The following SEMA3A variants were observed in gnomAD, a reference collection of about 807,000 sequenced individuals.
SEMA3A encodes semaphorin-3A.
A neutral mutation model predicts 97.9 loss-of-function variants in SEMA3A; 29 were observed. The observed-to-expected ratio is 0.30, with a 90% CI of 0.22 to 0.40. The LOEUF is 0.40. Among genes scored for constraint, SEMA3A ranks in the 10% least tolerant of loss-of-function variants. The pLI, the probability that SEMA3A is intolerant of heterozygous loss-of-function variation, is 1.00. For missense variants in SEMA3A, 763 were observed against 951.3 expected (o/e 0.80, Z 2.60); for synonymous variants, 321 against 323.7 (o/e 0.99, Z 0.09).
chr7:84,178,531 C>A (rs1363952427), intron 1 of SEMA3A, among the ~76,000 whole-genome samples: 1 of 152,066 alleles, frequency 6.6e-6, no homozygotes, highest in Non-Finnish European at 1.5e-5. Flanking sequence ...CAAGGTCACA[C>A]AGAAAATTAG....
rs1443746135 is a variant in SEMA3A, at chr7:84,269,352, A to G, written c.-83+37855T>C. ...TTTGAAGTAGCTTATTCTTAGACACACTACCCATGTCAGTAATCTTTATGA... is the reference window on the plus strand; with the variant it reads ...TTTGAAGTAGCTTATTCTTAGACACGCTACCCATGTCAGTAATCTTTATGA... On this transcript the variant is annotated intron_variant, in intron 3 of 3. Transcript: ENST00000424555. 3.9e-5 allele frequency among the ~76,000 whole-genome samples: 6 copies of G among 152,272 alleles called. No homozygotes were observed. The East Asian group carries it at 1.2e-3, about 29-fold the overall frequency.
chr7:84,211,292 G>A (rs1798618338), intron 3 of SEMA3A, among the ~76,000 whole-genome samples: 1 of 152,052 alleles, frequency 6.6e-6, no homozygotes, highest in South Asian at 2.1e-4. Flanking sequence ...GTTGCGTAAA[G>A]AGGAGGATAA....
At chr7:84,062,455 C>A (rs1793263799) in intron 4 of SEMA3A, among the ~76,000 whole-genome samples, 2 of 152,182 alleles carry the variant, frequency 1.3e-5, no homozygotes, top group Non-Finnish European at 2.9e-5. Flanking sequence ...GTCTACGGCT[C>A]CCAGAGTGAG....
intron 1 of SEMA3A, among the ~76,000 whole-genome samples, chr7:84,144,953 A>G (rs1796420356): frequency 6.6e-6 from 1 of 152,132 alleles, no homozygotes; most frequent in Non-Finnish European, 1.5e-5. Flanking sequence ...TCCTTCACCA[A>G]TAGAGTGTGC....
intron 1 of SEMA3A, among the ~76,000 whole-genome samples, chr7:84,143,317 A>G (rs1337638768): frequency 6.6e-6 from 1 of 152,216 alleles, no homozygotes. Flanking sequence ...TATACATATT[A>G]AATGAAGAAG....
chr7:83,977,538 C>T (rs563345838), intron 14 of SEMA3A, among the ~76,000 whole-genome samples: 71 of 151,892 alleles, frequency 4.7e-4, no homozygotes, highest in Middle Eastern at 3.4e-3. Context: ...GGCCTAACTT[C>T]TGTGGAAAAA....
intron 15 of SEMA3A, among the ~76,000 whole-genome samples, chr7:83,968,945 G>T (rs1788821537): frequency 6.6e-6 from 1 of 150,964 alleles, no homozygotes; most frequent in Non-Finnish European, 1.5e-5. Context: ...AGAGTAGCTG[G>T]GATTACAGGT....
intron 12 of SEMA3A, among the ~76,000 whole-genome samples, chr7:83,989,811 A>C (rs1377116477): frequency 6.7e-6 from 1 of 149,990 alleles, no homozygotes; most frequent in Non-Finnish European, 1.5e-5. Flanking sequence ...AGCATGATTT[A>C]TAGTCCTTTG....
At chr7:84,292,560 G>A (rs1280798810) in intron 3 of SEMA3A, among the ~76,000 whole-genome samples, 1 of 151,866 alleles carries the variant, frequency 6.6e-6, no homozygotes, top group Non-Finnish European at 1.5e-5. Context: ...GAAAATAGAA[G>A]CAATCCTCCA....
intron 6 of SEMA3A, among the ~76,000 whole-genome samples, chr7:84,026,745 G>C (rs1015646474): frequency 6.6e-6 from 1 of 152,082 alleles, no homozygotes; most frequent in Non-Finnish European, 1.5e-5. Context: ...ACTAACACAG[G>C]AACAGAAAAC....
At chr7:83,984,233 T>G (rs1288838051) in intron 13 of SEMA3A, among the ~76,000 whole-genome samples, 1 of 152,092 alleles carries the variant, frequency 6.6e-6, no homozygotes, top group Non-Finnish European at 1.5e-5. Flanking sequence ...AATATCCCAG[T>G]CTAGCTTCCA....
intron 1 of SEMA3A, among the ~76,000 whole-genome samples, chr7:84,445,516 A>AAAAAGAAAAG (rs1554388668): frequency 1.6e-5 from 2 of 123,754 alleles, no homozygotes; most frequent in African/African-American, 7.3e-5. Flanking sequence ...AAAAAAAAAA[A>AAAAAGAAAAG]AAAAGAAAAG....
At chr7:84,261,809 C>A (rs1460001672) in intron 3 of SEMA3A, among the ~76,000 whole-genome samples, 1 of 152,246 alleles carries the variant, frequency 6.6e-6, no homozygotes, top group Admixed American at 6.5e-5. Context: ...GTGGAACAAG[C>A]CCAGTGGGCC....
chr7:84,178,744 A>T (rs1797649306), intron 1 of SEMA3A, among the ~76,000 whole-genome samples: 1 of 152,088 alleles, frequency 6.6e-6, no homozygotes, highest in Non-Finnish European at 1.5e-5. Context: ...ATTACTGACT[A>T]CCTCTTTTGT....
chr7:84,026,560 G>C (rs974451117), intron 6 of SEMA3A, among the ~76,000 whole-genome samples: 2 of 152,040 alleles, frequency 1.3e-5, no homozygotes, highest in African/African-American at 4.8e-5. Context: ...GTTTTTTGTA[G>C]CACTGTTCAC....
intron 3 of SEMA3A, among the ~76,000 whole-genome samples, chr7:84,295,649 C>A (rs2115802295): frequency 6.6e-6 from 1 of 151,914 alleles, no homozygotes; most frequent in East Asian, 1.9e-4. Flanking sequence ...ATTTTGTTGT[C>A]TTTGGTTTAA....
intron 3 of SEMA3A, among the ~76,000 whole-genome samples, chr7:84,210,204 T>C (rs1054260094): frequency 2.0e-5 from 3 of 152,098 alleles, no homozygotes; most frequent in Non-Finnish European, 4.4e-5. Context: ...TTCCTGCCCT[T>C]GAGGAGGTCC....
chr7:84,479,194 G>C (rs1806378309), intron 1 of SEMA3A, among the ~76,000 whole-genome samples: 1 of 152,122 alleles, frequency 6.6e-6, no homozygotes. Flanking sequence ...GGGATTGTAA[G>C]GGGAGAAACC....
In SEMA3A at chr7:84,400,344, G is replaced by A. The variant is rs78402200; in HGVS notation, c.-245-28444C>T. Reference sequence around the variant, plus strand: ...ACAGAGACATGTGATCCCTTACCCAGAGAATATAAAATAGCTGTTTTGAGG... The same window carrying A: ...ACAGAGACATGTGATCCCTTACCCAAAGAATATAAAATAGCTGTTTTGAGG... On this transcript the variant is annotated intron_variant, in intron 1 of 3. Coordinates refer to the SEMA3A transcript ENST00000424555. Among the ~76,000 whole-genome samples, 1,010 of 152,208 alleles carry A rather than the reference G, an allele frequency of 6.6e-3. 7 individuals are homozygous for A. The highest frequency in any genetic ancestry group is 0.01 in the Non-Finnish European group (700 of 68,008).
Sources: allele counts gnomAD v4.1 joint callset (sites outside exome capture counted in the v4.1 genomes callset), GRCh38; gene constraint gnomAD v4.1.1; transcripts MANE v1.5; gene names NCBI Gene and HGNC (gene_info 2026-07-23, HGNC 2026-07-21).